Variants in CCDC148 observed in about 807,000 individuals in gnomAD.
CCDC148 encodes the protein coiled-coil domain-containing protein 148.
Under a neutral mutation model 85.7 loss-of-function variants are expected in CCDC148, and 89 were observed. The observed-to-expected ratio is 1.04, with a 90% confidence interval of 0.87 to 1.24. The LOEUF (loss-of-function observed/expected upper bound fraction) is 1.24, where lower values mean the gene tolerates loss of function less well. CCDC148 is among the 50% of genes most tolerant of loss of function. The pLI, the probability that CCDC148 is intolerant of heterozygous loss-of-function variation, is 0.00. For synonymous variants in CCDC148, 230 were observed against 213.9 expected (o/e 1.08, Z -0.66); for missense variants, 692 against 671.7 (o/e 1.03, Z -0.33).
chr2:158,274,812 T>C (rs1266531085), intron 9 of CCDC148, among the ~76,000 whole-genome samples: 1 of 152,190 alleles, frequency 6.6e-6, no homozygotes, highest in Non-Finnish European at 1.5e-5. Context: ...ATCACAAGGC[T>C]GGTGGTAGAG....
At chr2:158,426,910 G>T (rs901028790) in intron 1 of CCDC148, among the ~76,000 whole-genome samples, 2 of 152,110 alleles carry the variant, frequency 1.3e-5, no homozygotes, top group African/African-American at 4.8e-5. Context: ...CTTTTAACAT[G>T]CAACTTTAGG....
intron 5 of CCDC148, among the ~76,000 whole-genome samples, chr2:158,339,749 C>T (rs1444813167): frequency 6.6e-6 from 1 of 152,106 alleles, no homozygotes; most frequent in South Asian, 2.1e-4. Flanking sequence ...GAGGAAATAG[C>T]CAGTACAGGA....
At chr2:158,368,751 G>A (rs114030418) in intron 1 of CCDC148, among the ~76,000 whole-genome samples, 1,681 of 152,024 alleles carry the variant, frequency 0.011, 21 homozygotes, top group African/African-American at 0.034. Context: ...TTATTACAGA[G>A]TTGATGGGGA....
At chr2:158,223,314 G>T (rs1687298303) in intron 10 of CCDC148, among the ~76,000 whole-genome samples, 1 of 152,194 alleles carries the variant, frequency 6.6e-6, no homozygotes. Flanking sequence ...AAACAAAGCA[G>T]CCCAGAAGCT....
intron 10 of CCDC148, among the ~76,000 whole-genome samples, chr2:158,245,188 A>G (rs1688519333): frequency 6.6e-6 from 1 of 152,100 alleles, no homozygotes; most frequent in African/African-American, 2.4e-5. Context: ...ATGACAGTCT[A>G]CTGGTTTTTG....
chr2:158,301,028 A>T (rs1691416416), intron 9 of CCDC148, among the ~76,000 whole-genome samples: 3 of 152,044 alleles, frequency 2.0e-5, no homozygotes, highest in Admixed American at 1.3e-4. Flanking sequence ...CTGTTTTTTT[A>T]AACACTTTTT....
At chr2:158,347,948 G>A (rs890595954) in intron 2 of CCDC148, among the ~76,000 whole-genome samples, 4 of 151,966 alleles carry the variant, frequency 2.6e-5, no homozygotes, top group Non-Finnish European at 4.4e-5. Flanking sequence ...CTCATTTATC[G>A]GGTTGACAAA....
At chr2:158,426,546 G>T (rs1221256476) in intron 1 of CCDC148, among the ~76,000 whole-genome samples, 3 of 152,076 alleles carry the variant, frequency 2.0e-5, no homozygotes, top group African/African-American at 4.8e-5. Context: ...TCATTGAAAA[G>T]AAATAATTTC....
At chr2:158,179,036 A>G (rs372863536) in intron 11 of CCDC148, 40 bp from the exon 12 acceptor site, 5 of 1,462,148 alleles carry the variant, frequency 3.4e-6, no homozygotes, top group Middle Eastern at 1.7e-4. Flanking sequence ...GAAGCATCAT[A>G]ATAATATTGG....
chr2:158,305,046 A>G (rs527496283), intron 9 of CCDC148, among the ~76,000 whole-genome samples: 1 of 152,266 alleles, frequency 6.6e-6, no homozygotes, highest in South Asian at 2.1e-4. Context: ...GCTCACAAAA[A>G]AAATATCAGA....
At chr2:158,397,382 C>T (rs207462589) in intron 1 of CCDC148, among the ~76,000 whole-genome samples, 5 of 152,142 alleles carry the variant, frequency 3.3e-5, no homozygotes, top group African/African-American at 7.2e-5. Flanking sequence ...CAGAGAGAAA[C>T]GTCGGGTTAC....
At chr2:158,217,458 G>A (rs953835160) in intron 11 of CCDC148, among the ~76,000 whole-genome samples, 6 of 150,186 alleles carry the variant, frequency 4.0e-5, no homozygotes, top group African/African-American at 4.9e-5. Flanking sequence ...GCTGGAGTGC[G>A]GTAGCACGAT....
At position 158,236,624 on chromosome 2, in the gene CCDC148, C is replaced by T. The variant is rs182237285; in HGVS notation, c.1251+14148G>A. Among the ~76,000 whole-genome samples, 32 of 152,164 alleles carry T rather than the reference C, an allele frequency of 2.1e-4. No homozygotes were observed. The East Asian group carries it at 2.7e-3, about 13-fold the overall frequency. ...TGACTTAGAACCAAGGTGATTTTTG[C>T]AATCATTTAATCAAAACACCTCATT... is the stretch of plus-strand genomic sequence containing the variant. On this transcript the variant is annotated intron_variant, in intron 10 of 13. Coordinates refer to ENST00000283233, the MANE Select transcript of CCDC148 (RefSeq NM_138803.4).
intron 9 of CCDC148, among the ~76,000 whole-genome samples, chr2:158,298,521 T>C (rs1276957520): frequency 1.3e-5 from 2 of 152,152 alleles, no homozygotes; most frequent in Non-Finnish European, 2.9e-5. Context: ...ACACCTCTCT[T>C]ATGTTATCTG....
intron 1 of CCDC148, among the ~76,000 whole-genome samples, chr2:158,423,421 C>A (rs1385737660): frequency 6.6e-6 from 1 of 152,040 alleles, no homozygotes; most frequent in African/African-American, 2.4e-5. Flanking sequence ...CACACATCTA[C>A]AACCACCTGA....
At chr2:158,205,510 T>G (rs1337814130) in intron 11 of CCDC148, among the ~76,000 whole-genome samples, 2 of 142,186 alleles carry the variant, frequency 1.4e-5, no homozygotes, top group African/African-American at 5.1e-5. Context: ...CTCCGGGTGC[T>G]TTATATACAT....
intron 7 of CCDC148, among the ~76,000 whole-genome samples, chr2:158,332,972 A>C (rs1693222423): frequency 6.6e-6 from 1 of 151,702 alleles, no homozygotes; most frequent in African/African-American, 2.4e-5. Flanking sequence ...TAATCTTTTC[A>C]AAAAAAGCAG....
intron 2 of CCDC148, among the ~76,000 whole-genome samples, chr2:158,356,089 T>C (rs1162938717): frequency 7.6e-6 from 1 of 131,902 alleles, no homozygotes; most frequent in Admixed American, 7.2e-5. Flanking sequence ...TCAAGATGGA[T>C]TAAAGACTTA....
At chr2:158,390,505 GT>G (rs1478142940) in intron 1 of CCDC148, among the ~76,000 whole-genome samples, 2 of 152,108 alleles carry the variant, frequency 1.3e-5, no homozygotes, top group African/African-American at 4.8e-5. Context: ...TCTGAAACTC[GT>G]TTTAAATAGC....
Sources: allele counts gnomAD v4.1 joint callset (sites outside exome capture counted in the v4.1 genomes callset), GRCh38; gene constraint gnomAD v4.1.1; transcripts MANE v1.5; gene names NCBI Gene and HGNC (gene_info 2026-07-23, HGNC 2026-07-21).